The following STXBP6 variants were observed in gnomAD, a reference collection of about 807,000 sequenced individuals.
The protein encoded by STXBP6 is syntaxin binding protein 6.
In STXBP6, 21 loss-of-function variants were observed where a neutral mutation model predicts 26.9. The observed-to-expected ratio is 0.78, with a 90% CI of 0.55 to 1.12. The LOEUF (loss-of-function observed/expected upper bound fraction) is 1.12. Ranked by LOEUF, STXBP6 falls within the 50% of genes most tolerant of loss-of-function variation. STXBP6 has a pLI of 0.00. For synonymous variants in STXBP6, 97 were observed against 92.6 expected (o/e 1.05, Z -0.27); for missense variants, 232 against 257.9 (o/e 0.90, Z 0.69).
At chr14:25,032,694 C>T (rs1056724870) in intron 1 of STXBP6, among the ~76,000 whole-genome samples, 10 of 152,222 alleles carry the variant, frequency 6.6e-5, no homozygotes, top group Non-Finnish European at 4.4e-5. Context: ...GTCCCTCGAT[C>T]AATGTAAAAT....
At chr14:24,876,872 T>C (rs895623958) in intron 2 of STXBP6, among the ~76,000 whole-genome samples, 4 of 152,220 alleles carry the variant, frequency 2.6e-5, no homozygotes, top group Non-Finnish European at 5.9e-5. Context: ...TTTGGCACTA[T>C]AATTTAACAC....
At chr14:24,997,156 C>T (rs1175544039) in intron 1 of STXBP6, among the ~76,000 whole-genome samples, 1 of 152,178 alleles carries the variant, frequency 6.6e-6, no homozygotes, top group East Asian at 1.9e-4. Flanking sequence ...TCCTGACTCA[C>T]AGGCCAGAAT....
chr14:24,851,484 G>A (rs370613702), intron 4 of STXBP6, among the ~76,000 whole-genome samples: 3 of 149,316 alleles, frequency 2.0e-5, no homozygotes, highest in Non-Finnish European at 3.0e-5. Context: ...GAGAACATGC[G>A]GTGTTTGGTT....
intron 2 of STXBP6, among the ~76,000 whole-genome samples, chr14:24,880,805 G>C (rs934679894): frequency 6.6e-6 from 1 of 152,156 alleles, no homozygotes; most frequent in Non-Finnish European, 1.5e-5. Context: ...TACTAAAAAG[G>C]AAAGAAAGGG....
chr14:24,952,247 C>A (rs1396407520), intron 2 of STXBP6, among the ~76,000 whole-genome samples: 12 of 149,572 alleles, frequency 8.0e-5, no homozygotes, highest in Non-Finnish European at 1.6e-4. Context: ...TCCATTAAGA[C>A]AAATAAGCTT....
In STXBP6 at chr14:25,002,359, C is replaced by CTTTTTTTTT. The variant is rs747010332; in HGVS notation, c.-32-27518_-32-27510dup. ...ATCCCATACAGTTAAATTCTTATGACTTTTTTTTTTTTTTTTTTGAGACAC... is the reference window on the plus strand; with the variant it reads ...ATCCCATACAGTTAAATTCTTATGACTTTTTTTTTTTTTTTTTTTTTTTTTTTGAGACAC... On this transcript the variant is annotated intron_variant, in intron 1 of 5. Coordinates refer to ENST00000323944, the MANE Select transcript of STXBP6 (RefSeq NM_001394410.1). 2.8e-3 allele frequency among the ~76,000 whole-genome samples: 344 copies of CTTTTTTTTT among 121,326 alleles called. 22 individuals are homozygous for CTTTTTTTTT. Among genetic ancestry groups the CTTTTTTTTT allele is most frequent in the African/African-American group, 6.7e-3 (199 of 29,616 alleles). The allele number at this position is 121,326 out of a possible 152,430, so 79.6% of individuals were successfully genotyped here. A position where few individuals can be genotyped will look rare whatever the true frequency, so the allele number is the denominator to read the frequency against.
intron 1 of STXBP6, among the ~76,000 whole-genome samples, chr14:24,994,259 A>C (rs2074544248): frequency 6.6e-6 from 1 of 152,104 alleles, no homozygotes; most frequent in South Asian, 2.1e-4. Context: ...CCTCCATCTA[A>C]TACATTCTGT....
intron 1 of STXBP6, among the ~76,000 whole-genome samples, chr14:25,048,435 T>G (rs1201100565): frequency 6.6e-6 from 1 of 152,216 alleles, no homozygotes; most frequent in Non-Finnish European, 1.5e-5. Flanking sequence ...TGTCTGACTC[T>G]AGAACTGTGT....
chr14:24,875,246 G>A (rs1361129397), intron 2 of STXBP6, among the ~76,000 whole-genome samples: 3 of 152,054 alleles, frequency 2.0e-5, no homozygotes, highest in Non-Finnish European at 2.9e-5. Context: ...CCCTAAGAGC[G>A]CCCTCACAAT....
At chr14:24,979,370 A>G (rs1205074499) in intron 1 of STXBP6, among the ~76,000 whole-genome samples, 3 of 152,220 alleles carry the variant, frequency 2.0e-5, no homozygotes, top group Non-Finnish European at 4.4e-5. Flanking sequence ...GCATGCTGAT[A>G]ACAAGTTTCA....
intron 1 of STXBP6, among the ~76,000 whole-genome samples, chr14:25,024,037 T>C (rs994071472): frequency 4.6e-5 from 7 of 152,038 alleles, no homozygotes; most frequent in Non-Finnish European, 4.4e-5. Context: ...TGGCCGGGCG[T>C]GGTGGCTCAC....
At chr14:24,868,707 G>A (rs1327352238) in intron 2 of STXBP6, among the ~76,000 whole-genome samples, 1 of 152,176 alleles carries the variant, frequency 6.6e-6, no homozygotes, top group East Asian at 1.9e-4. Context: ...GCAGGAGTGG[G>A]CATGAAAGCA....
chr14:24,938,936 G>A (rs2072702248), intron 2 of STXBP6, among the ~76,000 whole-genome samples: 2 of 152,072 alleles, frequency 1.3e-5, no homozygotes, highest in South Asian at 4.2e-4. Flanking sequence ...GGGGAAGGAA[G>A]ATCATTTAAG....
At chr14:24,916,804 A>G (rs1269502991) in intron 2 of STXBP6, among the ~76,000 whole-genome samples, 1 of 152,112 alleles carries the variant, frequency 6.6e-6, no homozygotes, top group African/African-American at 2.4e-5. Flanking sequence ...CCCAGATATA[A>G]TGAATCAAAA....
chr14:24,898,898 C>T (rs1009956221), intron 2 of STXBP6, among the ~76,000 whole-genome samples: 2 of 152,156 alleles, frequency 1.3e-5, no homozygotes, highest in African/African-American at 4.8e-5. Flanking sequence ...TCTTACCAAA[C>T]CTCTATAGAA....
At chr14:24,898,680 A>AAAAAC (rs1213116764) in intron 2 of STXBP6, among the ~76,000 whole-genome samples, 4 of 152,204 alleles carry the variant, frequency 2.6e-5, no homozygotes, top group South Asian at 2.1e-4. Flanking sequence ...CCATCTCAAA[A>AAAAAC]AAAACAAAAC....
intron 2 of STXBP6, among the ~76,000 whole-genome samples, chr14:24,879,166 A>C (rs909149621): frequency 6.6e-6 from 1 of 152,224 alleles, no homozygotes; most frequent in African/African-American, 2.4e-5. Context: ...CTTTCCATCT[A>C]CTGAATTTAT....
intron 4 of STXBP6, among the ~76,000 whole-genome samples, chr14:24,826,188 G>A (rs1318002327): frequency 6.6e-6 from 1 of 152,048 alleles, no homozygotes; most frequent in African/African-American, 2.4e-5. Flanking sequence ...CAATGCTACT[G>A]GTTAAAAAGC....
intron 2 of STXBP6, among the ~76,000 whole-genome samples, chr14:24,915,117 T>C (rs1029966225): frequency 3.3e-5 from 5 of 152,166 alleles, no homozygotes; most frequent in South Asian, 2.1e-4. Flanking sequence ...TTTCATGTCA[T>C]TACTGTCTAC....
Sources: allele counts gnomAD v4.1 joint callset (sites outside exome capture counted in the v4.1 genomes callset), GRCh38; gene constraint gnomAD v4.1.1; transcripts MANE v1.5; gene names NCBI Gene and HGNC (gene_info 2026-07-23, HGNC 2026-07-21).